The following ZFP36 variants were observed in gnomAD, a reference collection of about 807,000 sequenced individuals.
ZFP36 encodes mRNA decay activator protein ZFP36.
Under a neutral mutation model 19.8 loss-of-function variants are expected in ZFP36, and 13 were observed. That is an observed-to-expected ratio of 0.66 (90% CI 0.43 to 1.04). ZFP36 has a LOEUF of 1.04. ZFP36 is among the 50% of genes least tolerant of loss of function. The pLI is 0.00. For synonymous variants in ZFP36, 191 were observed against 194.5 expected (o/e 0.98, Z 0.15); for missense variants, 354 against 441.6 (o/e 0.80, Z 1.78).
chr19:39,408,854 C>T lies in ZFP36; in HGVS notation c.*155C>T. ...ATGCATTAACCCACTCCCCTGACCT[C>T]ACGCTGGGGCAGGTCCCCAAGTGTG... On this transcript the variant is annotated 3_prime_UTR_variant, in exon 2 of 2. Coordinates refer to ENST00000597629, the MANE Select transcript of ZFP36 (RefSeq NM_003407.5). The surrounding 1 kb of genome is among the most constrained non-coding windows in gnomAD (Gnocchi z 6.0). 1 of 656,724 alleles carries T rather than the reference C, an allele frequency of 1.5e-6. No individual in the cohort carries two copies. The highest frequency in any genetic ancestry group is 2.4e-6 in the Non-Finnish European group (1 of 419,300). The allele number at this position is 656,724 out of a possible 1,614,324, so 40.7% of individuals were successfully genotyped here. A position where few individuals can be genotyped will look rare whatever the true frequency, so the allele number is the denominator to read the frequency against.
In ZFP36 at chr19:39,408,615, CG is replaced by C; in HGVS notation, c.898del (p.Glu300ArgfsTer66). ...TGGGGGGCTCTGACTCTCCCGTCTT[CG>C]AGGCGGGAGTTTTTGCACCACCCCA... ...SLGGSDSPVF[E>X]AGVFAPPQPV... On this transcript the variant is annotated frameshift_variant, in exon 2 of 2. Transcript: ENST00000597629. LOFTEE classifies it high-confidence loss of function. This position sits in a 1 kb window ranked among gnomAD's most constrained non-coding sequence, Gnocchi z 6.0. The C allele has an allele frequency of 6.2e-7, 1 of 1,609,892 alleles. No homozygotes were observed. Among genetic ancestry groups the C allele is most frequent in the South Asian group, 1.1e-5 (1 of 90,572 alleles).
rs909042225 is a variant in ZFP36, at chr19:39,408,951, T to G, written c.*252T>G. On this transcript the variant is annotated 3_prime_UTR_variant, in exon 2 of 2. Transcript: ENST00000597629. The surrounding 1 kb of genome is among the most constrained non-coding windows in gnomAD (Gnocchi z 6.0). ...TCTTGGGGGAAAAAAAATTGTAGCATATTTAAGGGAGGCAATGAACCCTCT... is the reference window on the plus strand; with the variant it reads ...TCTTGGGGGAAAAAAAATTGTAGCAGATTTAAGGGAGGCAATGAACCCTCT... The G allele has an allele frequency of 1.0e-5, 4 of 386,334 alleles. No individual in the cohort carries two copies. The highest frequency in any genetic ancestry group is 1.9e-5 in the Non-Finnish European group (4 of 215,300). 23.9% of individuals were successfully genotyped at this position (386,334 alleles called of 1,614,324 possible).
Position 39,408,046 on chromosome 19 carries a change from C to A in ZFP36, c.328C>A (p.Arg110=), listed in dbSNP as rs777041160. 9 of 1,613,914 alleles carry A rather than the reference C, an allele frequency of 5.6e-6. No individual in the cohort carries two copies. The highest frequency in any genetic ancestry group is 7.6e-6 in the Non-Finnish European group (9 of 1,180,018). ...CTCGCGCTACAAGACTGAGCTATGT[C>A]GGACCTTCTCAGAGAGTGGGCGCTG... ...TPSRYKTELC[R]TFSESGRCRY... The change falls in exon 2 of 2, where the codon CGG becomes AGG. Residue 110 remains arginine, a synonymous_variant. Transcript: ENST00000597629. This position sits in a 1 kb window ranked among gnomAD's most constrained non-coding sequence, Gnocchi z 6.0.
chr19:39,408,120 C>T lies in ZFP36; in HGVS notation c.402C>T (p.Arg134=), dbSNP rs957121920. The T allele has an allele frequency of 1.2e-5, 20 of 1,613,828 alleles. No homozygotes were observed. Among genetic ancestry groups the T allele is most frequent in the Admixed American group, 1.0e-4 (6 of 60,014 alleles). The change falls in exon 2 of 2, where the codon CGC becomes CGT. Residue 134 remains arginine (R), a synonymous_variant. Transcript: ENST00000597629. The surrounding 1 kb of genome is among the most constrained non-coding windows in gnomAD (Gnocchi z 6.0). ...TTGCCCATGGCCTGGGCGAGCTGCG[C>T]CAGGCCAATCGCCACCCCAAATACA... ...CQFAHGLGEL[R]QANRHPKYKT...
At position 39,407,860 on chromosome 19, in the gene ZFP36, T is replaced by C; in HGVS notation, c.142T>C (p.Ser48Pro). ...WSLSPSDSSP[S>P]GVTSRLPGRS... The stretch of plus-strand genomic sequence containing the variant: ...CCTGAGCCCCTCCGACTCCAGCCCG[T>C]CTGGGGTCACCTCCCGCCTGCCTGG... The change falls in exon 2 of 2, where the codon TCT becomes CCT. Residue 48 changes from serine (S) to proline (P), a missense_variant. By Grantham distance (74) the Ser-to-Pro change is moderately conservative. Coordinates refer to ENST00000597629, the MANE Select transcript of ZFP36 (RefSeq NM_003407.5). The surrounding 1 kb of genome is among the most constrained non-coding windows in gnomAD (Gnocchi z 7.6). 1.9e-6 allele frequency: 3 copies of C among 1,605,530 alleles called. No individual in the cohort carries two copies. Among genetic ancestry groups the C allele is most frequent in the Non-Finnish European group, 2.5e-6 (3 of 1,179,240 alleles).
chr19:39,406,954 C>T, intron 1 of ZFP36, 26 bp downstream of exon 1: 2 of 1,610,660 alleles, frequency 1.2e-6, no homozygotes, highest in Non-Finnish European at 1.7e-6. Context: ...ACGGCATCCC[C>T]GGTACCTGCA....
At position 39,406,926 on chromosome 19, in the gene ZFP36, G is replaced by A; in HGVS notation, c.22G>A (p.Glu8Lys). 1 of 1,611,520 alleles carries A rather than the reference G, an allele frequency of 6.2e-7. No individual in the cohort carries two copies. The highest frequency in any genetic ancestry group is 8.5e-7 in the Non-Finnish European group (1 of 1,179,352). ...CACCATGGATCTGACTGCCATCTAC[G>A]AGGTGAGTCCCCGCCGCACGGCATC... is the stretch of plus-strand genomic sequence containing the variant. Reference protein sequence around the residue: MDLTAIYESLLSLSPDVP... With the variant: MDLTAIYKSLLSLSPDVP... Residue 8 changes from glutamate to lysine, a missense_variant and splice_region_variant, in exon 1 of 2, where the codon GAG becomes AAG. Coordinates refer to ENST00000597629, the MANE Select transcript of ZFP36 (RefSeq NM_003407.5).
chr19:39,406,880 AC>A lies in ZFP36; in HGVS notation c.-21del. On this transcript the variant is annotated 5_prime_UTR_variant, in exon 1 of 2. Transcript: ENST00000597629. ...TTCAGCGCTCCCACTCTCGGCCGAC[AC>A]CCCTCATGGCCAACCGTTACACCAT... 6.3e-7 allele frequency: 1 copy of A among 1,590,222 alleles called. No individual in the cohort carries two copies. Among genetic ancestry groups the A allele is most frequent in the Non-Finnish European group, 8.5e-7 (1 of 1,170,006 alleles).
rs1410549829 is a variant in ZFP36 at position 39,408,483 on chromosome 19, G to A, written c.765G>A (p.Arg255=). 1 of 1,606,974 alleles carries A rather than the reference G, an allele frequency of 6.2e-7. No homozygotes were observed. The highest frequency in any genetic ancestry group is 1.7e-5 in the Admixed American group (1 of 59,282). ...PTPVCCPSCR[R]ATPISVWGPL... is the part of the protein sequence containing the mutation. ...CAGTCTGTTGCCCCTCCTGCCGAAG[G>A]GCCACTCCTATCAGCGTCTGGGGGC... Residue 255 remains arginine (R), a synonymous_variant, in exon 2 of 2, where the codon AGG becomes AGA. Transcript: ENST00000597629. This position sits in a 1 kb window ranked among gnomAD's most constrained non-coding sequence, Gnocchi z 6.0.
Position 39,407,547 on chromosome 19 carries a change from G to A in ZFP36, c.25-196G>A. The A allele has an allele frequency of 1.9e-6, 1 of 517,488 alleles. No individual in the cohort carries two copies. 32.1% of individuals were successfully genotyped at this position (517,488 alleles called of 1,614,324 possible). On this transcript the variant is annotated intron_variant, in intron 1 of 1. Transcript: ENST00000597629. The surrounding 1 kb of genome is among the most constrained non-coding windows in gnomAD (Gnocchi z 7.6). ...GGAAGCCGGGATTCCTGGGTCCCTCGGGATAAGGCCTCGGTGGTGGGTAAA... is the reference window on the plus strand; with the variant it reads ...GGAAGCCGGGATTCCTGGGTCCCTCAGGATAAGGCCTCGGTGGTGGGTAAA...
In ZFP36 at chr19:39,409,186, G is replaced by A. The variant is rs553351861; in HGVS notation, c.*487G>A. 6.5e-6 allele frequency: 1 copy of A among 153,018 alleles called. No homozygotes were observed. The highest frequency in any genetic ancestry group is 2.1e-4 in the South Asian group (1 of 4,874). The allele number at this position is 153,018 out of a possible 1,614,324, so 9.5% of individuals were successfully genotyped here. ...CCAAACCCCACCCATAAATCAATGG[G>A]CCCTTTATTTATGACGACTTTATTT... On this transcript the variant is annotated 3_prime_UTR_variant, in exon 2 of 2. Transcript: ENST00000597629.
At position 39,408,644 on chromosome 19, in the gene ZFP36, C is replaced by T. The variant is rs963067725; in HGVS notation, c.926C>T (p.Pro309Leu). 2 of 1,587,508 alleles carry T rather than the reference C, an allele frequency of 1.3e-6. No homozygotes were observed. The highest frequency in any genetic ancestry group is 8.5e-7 in the Non-Finnish European group (1 of 1,169,616). Residue 309 changes from proline (P) to leucine (L), a missense_variant, in exon 2 of 2, where the codon CCC becomes CTC. Coordinates refer to ENST00000597629, the MANE Select transcript of ZFP36 (RefSeq NM_003407.5). This position sits in a 1 kb window ranked among gnomAD's most constrained non-coding sequence, Gnocchi z 6.0. Reference sequence around the variant, plus strand: ...GCGGGAGTTTTTGCACCACCCCAGCCCGTGGCAGCCCCCCGGCGACTCCCC... The same window carrying T: ...GCGGGAGTTTTTGCACCACCCCAGCTCGTGGCAGCCCCCCGGCGACTCCCC... ...FEAGVFAPPQ[P>L]VAAPRRLPIF...
In ZFP36 at chr19:39,408,645, C is replaced by G. The variant is rs149251013; in HGVS notation, c.927C>G (p.Pro309=). 1.9e-6 allele frequency: 3 copies of G among 1,586,916 alleles called. No individual in the cohort carries two copies. ...CGGGAGTTTTTGCACCACCCCAGCC[C>G]GTGGCAGCCCCCCGGCGACTCCCCA... ...FEAGVFAPPQ[P]VAAPRRLPIF... The change falls in exon 2 of 2, where the codon CCC becomes CCG. Residue 309 remains proline, a synonymous_variant. Transcript: ENST00000597629. The surrounding 1 kb of genome is among the most constrained non-coding windows in gnomAD (Gnocchi z 6.0).
Position 39,407,357 on chromosome 19 carries a change from C to T in ZFP36, c.25-386C>T, listed in dbSNP as rs957873772. Reference sequence around the variant, plus strand: ...GTCCCTGACCGTAGAGACAGAGAACCCTAAAACCGAAGCAATCCGGACTTC... The same window carrying T: ...GTCCCTGACCGTAGAGACAGAGAACTCTAAAACCGAAGCAATCCGGACTTC... On this transcript the variant is annotated intron_variant, in intron 1 of 1. Transcript: ENST00000597629. The surrounding 1 kb of genome is among the most constrained non-coding windows in gnomAD (Gnocchi z 7.6). 3 of 423,900 alleles carry T rather than the reference C, an allele frequency of 7.1e-6. No individual in the cohort carries two copies. The highest frequency in any genetic ancestry group is 6.1e-5 in the African/African-American group (3 of 48,810). The allele number at this position is 423,900 out of a possible 1,614,324, so 26.3% of individuals were successfully genotyped here.
At position 39,408,698 on chromosome 19, in the gene ZFP36, G is replaced by A. The variant is rs757547871; in HGVS notation, c.980G>A (p.Ter327=). The change falls in exon 2 of 2, where the codon TGA becomes TAA. Residue 327 remains the stop codon, a stop_retained_variant. Transcript: ENST00000597629. The surrounding 1 kb of genome is among the most constrained non-coding windows in gnomAD (Gnocchi z 6.0). The part of the protein sequence containing the change: ...PIFNRISVSE[*] ...TTCAATCGCATCTCTGTTTCTGAGT[G>A]ACAAAGTGACTGCCCGGTCAGATCA... 3.2e-6 allele frequency: 5 copies of A among 1,553,296 alleles called. No homozygotes were observed. The highest frequency in any genetic ancestry group is 3.5e-6 in the Non-Finnish European group (4 of 1,155,816).
At position 39,408,396 on chromosome 19, in the gene ZFP36, A is replaced by G; in HGVS notation, c.678A>G (p.Pro226=). ...SSSPPPPGDL[P]LSPSAFSAAP... is the part of the protein sequence containing the mutation. ...CCCCACCACCACCTGGGGACCTTCCACTGTCACCCTCTGCCTTCTCTGCTG... is the reference window on the plus strand; with the variant it reads ...CCCCACCACCACCTGGGGACCTTCCGCTGTCACCCTCTGCCTTCTCTGCTG... Residue 226 remains proline, a synonymous_variant, in exon 2 of 2, where the codon CCA becomes CCG. Transcript: ENST00000597629. This position sits in a 1 kb window ranked among gnomAD's most constrained non-coding sequence, Gnocchi z 6.0. The G allele has an allele frequency of 6.2e-7, 1 of 1,612,916 alleles. No individual in the cohort carries two copies. The highest frequency in any genetic ancestry group is 8.5e-7 in the Non-Finnish European group (1 of 1,179,634).
chr19:39,407,069 G>T lies in ZFP36; in HGVS notation c.24+141G>T. 2 of 1,048,772 alleles carry T rather than the reference G, an allele frequency of 1.9e-6. No individual in the cohort carries two copies. The highest frequency in any genetic ancestry group is 2.7e-6 in the Non-Finnish European group (2 of 745,840). 65.0% of individuals were successfully genotyped at this position (1,048,772 alleles called of 1,614,324 possible). On this transcript the variant is annotated intron_variant, in intron 1 of 1. Coordinates refer to ENST00000597629, the MANE Select transcript of ZFP36 (RefSeq NM_003407.5). This position sits in a 1 kb window ranked among gnomAD's most constrained non-coding sequence, Gnocchi z 7.6. The stretch of plus-strand genomic sequence containing the variant: ...CCCTAGCGCCGCGCCCTCCAGCCTG[G>T]GGCCCCTGCCTCCCGCTCAGACCAG...
chr19:39,407,251 G>T lies in ZFP36; in HGVS notation c.24+323G>T. 2.0e-6 allele frequency: 1 copy of T among 505,696 alleles called. No individual in the cohort carries two copies. Among genetic ancestry groups the T allele is most frequent in the Non-Finnish European group, 3.5e-6 (1 of 287,666 alleles). 31.3% of individuals were successfully genotyped at this position (505,696 alleles called of 1,614,324 possible). ...CCCCATACCTGGCTCACCCCTAGTCGTTGCTGAGGGCGTGGTTTTGCGCGG... is the reference window on the plus strand; with the variant it reads ...CCCCATACCTGGCTCACCCCTAGTCTTTGCTGAGGGCGTGGTTTTGCGCGG... On this transcript the variant is annotated intron_variant, in intron 1 of 1. Transcript: ENST00000597629. This position sits in a 1 kb window ranked among gnomAD's most constrained non-coding sequence, Gnocchi z 7.6.
rs370498634 is a variant in ZFP36, at chr19:39,407,959, C to T, written c.241C>T (p.Pro81Ser). 7 of 1,601,402 alleles carry T rather than the reference C, an allele frequency of 4.4e-6. No individual in the cohort carries two copies. The African/African-American group carries it at 8.0e-5, about 18-fold the overall frequency. ...ACCCCCTGGCTTCGCACCGCTGGCT[C>T]CCCGCCTGGGCCCTGAGCTGTCACC... is the stretch of plus-strand genomic sequence containing the variant. ...PPPPGFAPLA[P>S]RLGPELSPSP... is the part of the protein sequence containing the mutation. The change falls in exon 2 of 2, where the codon CCC becomes TCC. Residue 81 changes from proline (P) to serine (S), a missense_variant. Pro to Ser is a moderately conservative substitution (Grantham distance 74, BLOSUM62 -1). Transcript: ENST00000597629. The surrounding 1 kb of genome is among the most constrained non-coding windows in gnomAD (Gnocchi z 7.6).
Sources: allele counts gnomAD v4.1 joint callset, GRCh38; gene constraint gnomAD v4.1.1; non-coding constraint Gnocchi (gnomAD v3.1); transcripts MANE v1.5; gene names NCBI Gene and HGNC (gene_info 2026-07-23, HGNC 2026-07-21).